FER1L6: variants seen among roughly 807,000 people sequenced by gnomAD.
FER1L6 encodes fer-1-like protein 6.
FER1L6 carries 177 observed loss-of-function variants against 219.2 expected under a neutral mutation model. The observed-to-expected ratio is 0.81, with a 90% confidence interval of 0.71 to 0.91. The LOEUF is 0.91. Ranked by LOEUF, FER1L6 falls within the 40% of genes least tolerant of loss-of-function variation. The pLI, the probability that FER1L6 is intolerant of heterozygous loss-of-function variation, is 0.00. For synonymous variants in FER1L6, 768 were observed against 824.3 expected, an observed-to-expected ratio of 0.93 and a Z score of 1.17; for missense variants, 2,153 against 2,259.9, an observed-to-expected ratio of 0.95 and a Z score of 0.96.
At chr8:124,017,984 A>G (rs1402498008) in intron 16 of FER1L6, among the ~76,000 whole-genome samples, 3 of 152,206 alleles carry the variant, frequency 2.0e-5, no homozygotes, top group Non-Finnish European at 4.4e-5. Flanking sequence ...TGACCTTCAT[A>G]TTTTGTTAAA....
At chr8:123,883,826 G>A (rs907082712) in intron 1 of FER1L6, among the ~76,000 whole-genome samples, 6 of 152,282 alleles carry the variant, frequency 3.9e-5, no homozygotes, top group African/African-American at 1.2e-4. Flanking sequence ...CTTTTATAAA[G>A]TCATCAGTCC....
At chr8:124,024,041 T>A (rs558955019) in intron 18 of FER1L6, among the ~76,000 whole-genome samples, 8 of 151,894 alleles carry the variant, frequency 5.3e-5, no homozygotes, top group African/African-American at 1.9e-4. Context: ...GGATTACAGA[T>A]GCCCACCACC....
intron 1 of FER1L6, among the ~76,000 whole-genome samples, chr8:123,892,794 A>G (rs1382335395): frequency 1.3e-5 from 2 of 152,232 alleles, no homozygotes; most frequent in Non-Finnish European, 2.9e-5. Context: ...CAAAATTTCA[A>G]GTTCTAAATT....
At chr8:123,949,542 G>A (rs1814662895) in intron 1 of FER1L6, among the ~76,000 whole-genome samples, 1 of 152,140 alleles carries the variant, frequency 6.6e-6, no homozygotes, top group Non-Finnish European at 1.5e-5. Flanking sequence ...CATCAAATAG[G>A]GATCAAAATA....
intron 1 of FER1L6, among the ~76,000 whole-genome samples, chr8:123,910,591 C>T (rs35306088): frequency 0.012 from 1,830 of 151,064 alleles, 15 homozygotes; most frequent in Non-Finnish European, 0.017. Flanking sequence ...TTTTTTTTTG[C>T]GACCAAAAAA....
chr8:123,947,256 A>G (rs1814542325), intron 1 of FER1L6, among the ~76,000 whole-genome samples: 2 of 151,686 alleles, frequency 1.3e-5, no homozygotes, highest in African/African-American at 4.8e-5. Flanking sequence ...AAAAAAAAAA[A>G]GGTATGATGA....
chr8:124,046,046 A>G (rs934346899), intron 21 of FER1L6, 145 bp downstream of exon 21: 1 of 866,700 alleles, frequency 1.2e-6, no homozygotes, highest in Non-Finnish European at 1.7e-6. Flanking sequence ...TTGACCTCTG[A>G]AAACAGTTCA....
chr8:123,854,784 A>G (rs1816599600), intron 1 of FER1L6, among the ~76,000 whole-genome samples: 1 of 152,060 alleles, frequency 6.6e-6, no homozygotes. Flanking sequence ...ATAGCGGGAG[A>G]CTGTGGGAGT....
chr8:124,026,789 T>C (rs1332341518), intron 18 of FER1L6, among the ~76,000 whole-genome samples: 1 of 151,274 alleles, frequency 6.6e-6, no homozygotes, highest in Non-Finnish European at 1.5e-5. Flanking sequence ...GTTTAAAGCA[T>C]GGACTTTGAA....
intron 1 of FER1L6, among the ~76,000 whole-genome samples, chr8:123,919,139 G>A (rs1340850952): frequency 6.6e-6 from 1 of 152,170 alleles, no homozygotes; most frequent in African/African-American, 2.4e-5. Context: ...AAGGGAGGGG[G>A]CCCCCAAGTC....
intron 1 of FER1L6, among the ~76,000 whole-genome samples, chr8:123,955,041 T>C (rs142637022): frequency 3.0e-3 from 453 of 152,234 alleles, no homozygotes; most frequent in African/African-American, 0.01. Flanking sequence ...AGGGGTTCTG[T>C]AGGAGGCTGG....
Position 124,101,253 on chromosome 8 carries a change from T to G in FER1L6, c.5040T>G (p.Ser1680=), listed in dbSNP as rs544244470. ...MVITKRENIF[S]LEKMECKTPA... ...TTACCAAGAGGGAGAACATCTTCTC[T>G]TTAGAGAAGATGGAGTGTAAGACTC... is the stretch of plus-strand genomic sequence containing the variant. Residue 1680 remains serine, a synonymous_variant, in exon 38 of 41, where the codon TCT becomes TCG. Transcript: ENST00000522917. 2.6e-5 allele frequency: 42 copies of G among 1,613,916 alleles called. 2 individuals carry two copies. The South Asian group carries it at 4.6e-4, about 18-fold the overall frequency.
intron 17 of FER1L6, 71 bp downstream of exon 17, chr8:124,021,740 TG>T: frequency 3.9e-6 from 6 of 1,553,356 alleles, no homozygotes; most frequent in Non-Finnish European, 5.3e-6. Flanking sequence ...TTTGAATGGT[TG>T]GTACGGGTGA....
chr8:124,085,850 G>T (rs114803867), intron 33 of FER1L6, among the ~76,000 whole-genome samples: 1,747 of 152,234 alleles, frequency 0.011, 37 homozygotes, highest in African/African-American at 0.04. Flanking sequence ...TTGTATTGGG[G>T]TGTATCTCTC....
intron 7 of FER1L6, among the ~76,000 whole-genome samples, chr8:123,973,904 T>C (rs1016375250): frequency 6.6e-6 from 1 of 152,188 alleles, no homozygotes; most frequent in East Asian, 1.9e-4. Flanking sequence ...TCTGTAGAAA[T>C]GAAGATAACT....
intron 19 of FER1L6, 41 bp downstream of exon 19, chr8:124,035,495 A>C: frequency 5.7e-6 from 9 of 1,568,572 alleles, no homozygotes; most frequent in Non-Finnish European, 6.9e-6. Flanking sequence ...TCGAGGTCTC[A>C]GGTGGGCTTC....
chr8:123,855,681 ATGTGTG>A lies in FER1L6; in HGVS notation c.-8+3512_-8+3517del, dbSNP rs368208328. On this transcript the variant is annotated intron_variant, in intron 1 of 40. Transcript: ENST00000522917. ...AGGAGACTTTTAAAGTGAAAACCAT[ATGTGTG>A]TGTGTGTGTGTGTGTATATGTACAC... is the stretch of plus-strand genomic sequence containing the variant. Among the ~76,000 whole-genome samples, 653 of 97,522 alleles carry A rather than the reference ATGTGTG, an allele frequency of 6.7e-3. 7 individuals carry two copies. Among genetic ancestry groups the A allele is most frequent in the African/African-American group, 0.02 (580 of 29,426 alleles). The allele number at this position is 97,522 out of a possible 152,430, so 64.0% of individuals were successfully genotyped here.
At chr8:124,018,235 TG>T (rs1338664154) in intron 16 of FER1L6, among the ~76,000 whole-genome samples, 1 of 152,206 alleles carries the variant, frequency 6.6e-6, no homozygotes, top group Non-Finnish European at 1.5e-5. Flanking sequence ...AGTCAGGCCC[TG>T]GATTATCTCA....
At chr8:124,100,470 A>T (rs1822499647) in intron 37 of FER1L6, among the ~76,000 whole-genome samples, 1 of 152,192 alleles carries the variant, frequency 6.6e-6, no homozygotes. Context: ...GAGGTTAGAT[A>T]ACTTACCTAT....
Sources: allele counts gnomAD v4.1 joint callset (sites outside exome capture counted in the v4.1 genomes callset), GRCh38; gene constraint gnomAD v4.1.1; transcripts MANE v1.5; gene names NCBI Gene and HGNC (gene_info 2026-07-23, HGNC 2026-07-21).